NBPF15: variants seen among roughly 807,000 people sequenced by gnomAD.
The protein encoded by NBPF15 is NBPF family member NBPF15.
In NBPF15, 74 loss-of-function variants were observed where a neutral mutation model predicts 62.2. The ratio of observed to expected loss-of-function variants is 1.19; its 90% confidence interval spans 0.99 to 1.44. The LOEUF is 1.44. NBPF15 is among the 40% of genes most tolerant of loss of function. The pLI is 0.00. For missense variants in NBPF15, 790 were observed against 550.0 expected, an observed-to-expected ratio of 1.44 and a Z score of -4.36; for synonymous variants, 244 against 209.7, an observed-to-expected ratio of 1.16 and a Z score of -1.41.
intron 6 of NBPF15, chr1:144,440,532 T>G (rs1681995715): frequency 5.9e-6 from 2 of 339,960 alleles, no homozygotes; most frequent in African/African-American, 4.2e-5. Flanking sequence ...TTATCTCTTG[T>G]CTGTACAACA....
chr1:144,459,753 A>C (rs1553547911), intron 2 of NBPF15, among the ~76,000 whole-genome samples: 1 of 151,848 alleles, frequency 6.6e-6, no homozygotes, highest in African/African-American at 2.4e-5. Flanking sequence ...AGGAAAATGC[A>C]AAATGAAATC....
chr1:144,424,167 G>C (rs1436749757), intron 20 of NBPF15, among the ~76,000 whole-genome samples, 192 bp from the exon 21 acceptor site: 1 of 151,952 alleles, frequency 6.6e-6, no homozygotes, highest in Admixed American at 6.6e-5. Context: ...AGAAACTGTG[G>C]GTAAAGTGTC....
chr1:144,423,280 G>C, intron 21 of NBPF15, 24 bp from the exon 22 acceptor site: 6 of 1,611,286 alleles, frequency 3.7e-6, no homozygotes, highest in Non-Finnish European at 4.2e-6. Context: ...CAAAACTAAA[G>C]AAGCAGCCAG....
chr1:144,423,225 G>A lies in NBPF15; in HGVS notation c.1801C>T (p.Pro601Ser), dbSNP rs374935229. 3.1e-4 allele frequency: 502 copies of A among 1,611,512 alleles called. 7 individuals are homozygous for A. The South Asian group carries it at 5.1e-3, about 16-fold the overall frequency. Residue 601 changes from proline to serine, a missense_variant, in exon 22 of 22, where the codon CCT (proline) becomes TCT (serine). Transcript: ENST00000581897. ...TCCAGTGAGTCCTGTAAGACTTCAGGCTCTTCCACTTCCATCAGCACGCCG... is the reference window on the plus strand; with the variant it reads ...TCCAGTGAGTCCTGTAAGACTTCAGACTCTTCCACTTCCATCAGCACGCCG... The part of the protein sequence containing the change: ...LYGVLMEVEE[P>S]EVLQDSLDRC...
At chr1:144,424,081 G>C (rs1667765849) in intron 20 of NBPF15, 106 bp from the exon 21 acceptor site, 12 of 756,984 alleles carry the variant, frequency 1.6e-5, no homozygotes, top group South Asian at 1.2e-4. Flanking sequence ...CTCAGCATAA[G>C]AATACGACAC....
intron 6 of NBPF15, among the ~76,000 whole-genome samples, chr1:144,442,317 T>C (rs1684056656): frequency 7.8e-6 from 1 of 128,246 alleles, no homozygotes. Context: ...CGTGTATATA[T>C]TATATATATA....
At chr1:144,457,636 T>C (rs1649055878) in intron 3 of NBPF15, among the ~76,000 whole-genome samples, 1 of 151,948 alleles carries the variant, frequency 6.6e-6, no homozygotes, top group African/African-American at 2.4e-5. Context: ...AATACAGTGG[T>C]GAATAAGAGA....
intron 6 of NBPF15, among the ~76,000 whole-genome samples, chr1:144,441,822 A>T (rs1683098220): frequency 6.6e-6 from 1 of 150,866 alleles, no homozygotes; most frequent in South Asian, 2.1e-4. Flanking sequence ...TTTTTAAAAC[A>T]ACAAATATTA....
chr1:144,435,430 A>T (rs1677482322), intron 11 of NBPF15, 114 bp from the exon 12 acceptor site: 1 of 1,486,534 alleles, frequency 6.7e-7, no homozygotes, highest in African/African-American at 1.4e-5. Flanking sequence ...CCAGAAAGCA[A>T]AATGGACGTT....
chr1:144,421,659 A>C lies in NBPF15; in HGVS notation c.*1354T>G. On this transcript the variant is annotated 3_prime_UTR_variant, in exon 22 of 22. Transcript: ENST00000581897. Reference sequence around the variant, plus strand: ...TTTGCAGTGTAGAGATATGAATATAATAATAGACACAGGCAGGGAGGATTA... The same window carrying C: ...TTTGCAGTGTAGAGATATGAATATACTAATAGACACAGGCAGGGAGGATTA... The C allele has an allele frequency of 6.6e-6, 1 of 151,192 alleles. No individual in the cohort carries two copies. Among genetic ancestry groups the C allele is most frequent in the East Asian group, 2.0e-4 (1 of 5,108 alleles). The allele number at this position is 151,192 out of a possible 1,614,324, so 9.4% of individuals were successfully genotyped here.
intron 6 of NBPF15, among the ~76,000 whole-genome samples, chr1:144,444,399 C>T (rs1402987563): frequency 2.0e-5 from 3 of 151,664 alleles, no homozygotes; most frequent in Non-Finnish European, 1.5e-5. Context: ...TTAACAGGAG[C>T]CATTTAGTAT....
At chr1:144,431,942 A>G (rs1448600655) in intron 13 of NBPF15, among the ~76,000 whole-genome samples, 5 of 148,350 alleles carry the variant, frequency 3.4e-5, no homozygotes, top group East Asian at 4.1e-4. Context: ...GAATAGTGCC[A>G]CAATAAACAT....
intron 13 of NBPF15, among the ~76,000 whole-genome samples, chr1:144,431,575 T>C (rs1674359660): frequency 6.8e-6 from 1 of 146,414 alleles, no homozygotes. Context: ...CATGTCCACA[T>C]TGGTGTGCTT....
At chr1:144,428,021 C>T (rs1352800063) in intron 15 of NBPF15, 31 bp from the exon 16 acceptor site, 3 of 763,870 alleles carry the variant, frequency 3.9e-6, no homozygotes, top group South Asian at 2.8e-5. Flanking sequence ...AAAGAATAAG[C>T]CAGGGGGAAT....
Position 144,423,163 on chromosome 1 carries a change from T to C in NBPF15, c.1863A>G (p.Gln621=). The C allele has an allele frequency of 4.3e-6, 7 of 1,611,546 alleles. No homozygotes were observed. The highest frequency in any genetic ancestry group is 5.9e-6 in the Non-Finnish European group (7 of 1,179,600). ...CYSTPSMYFE[Q]PDSFQHYRSV... ...TTCTGTAGTGCTGGAATGAGTCAGG[T>C]TGTTCAAAGTACATTGACGGAGTCG... Residue 621 remains glutamine, a synonymous_variant, in exon 22 of 22, where the codon CAA becomes CAG. Transcript: ENST00000581897.
chr1:144,453,420 G>A (rs1164667645), intron 4 of NBPF15, among the ~76,000 whole-genome samples: 1 of 151,700 alleles, frequency 6.6e-6, no homozygotes. Flanking sequence ...TGGGTTCAAT[G>A]ATGGCTTCTT....
Position 144,422,925 on chromosome 1 carries a change from C to T in NBPF15, c.*88G>A. On this transcript the variant is annotated 3_prime_UTR_variant, in exon 22 of 22. Transcript: ENST00000581897. ...ACTGACCCATCCTATGTCTGGGCTT[C>T]CAAATGGAACTGTACTTTCATTCAA... is the stretch of plus-strand genomic sequence containing the variant. The T allele has an allele frequency of 1.2e-6, 2 of 1,611,072 alleles. No individual in the cohort carries two copies. Among genetic ancestry groups the T allele is most frequent in the African/African-American group, 1.3e-5 (1 of 74,874 alleles).
At position 144,440,134 on chromosome 1, in the gene NBPF15, A is replaced by T. The variant is rs1553542343; in HGVS notation, c.-36+7T>A. ...AGGGATGTAAGTAACTGAAATTCTT[A>T]ACTTACTGTTGTCAAAAATGTGATC... On this transcript the variant is annotated splice_region_variant and intron_variant, in intron 7 of 21. Coordinates refer to ENST00000581897, the MANE Select transcript of NBPF15 (RefSeq NM_001385408.1). 3 of 1,582,720 alleles carry T rather than the reference A, an allele frequency of 1.9e-6. No homozygotes were observed. Among genetic ancestry groups the T allele is most frequent in the Non-Finnish European group, 2.6e-6 (3 of 1,156,274 alleles).
intron 15 of NBPF15, 91 bp downstream of exon 15, chr1:144,428,515 A>T: frequency 1.3e-6 from 1 of 775,090 alleles, no homozygotes; most frequent in Admixed American, 1.8e-5. Context: ...GACAAGACAA[A>T]ATCATTATTT....
Sources: gnomAD v4.1 joint callset for allele counts (sites outside exome capture counted in the v4.1 genomes callset) on GRCh38, gnomAD v4.1.1 for gene constraint, MANE v1.5 for transcripts, NCBI Gene and HGNC (gene_info 2026-07-23, HGNC 2026-07-21) for gene names.